Variants in GRIN2A observed in about 807,000 individuals in gnomAD.
The protein encoded by GRIN2A is glutamate receptor ionotropic, NMDA 2A.
GRIN2A carries 22 observed loss-of-function variants against 113.4 expected under a neutral mutation model. That is an observed-to-expected ratio of 0.19 (90% CI 0.14 to 0.28). GRIN2A has a LOEUF of 0.28. GRIN2A is among the 10% of genes least tolerant of loss of function. The pLI, the probability that GRIN2A is intolerant of heterozygous loss-of-function variation, is 1.00. For missense variants in GRIN2A, 1,502 were observed against 1,887.0 expected, an observed-to-expected ratio of 0.80 and a Z score of 3.78; for synonymous variants, 827 against 738.4, an observed-to-expected ratio of 1.12 and a Z score of -1.94.
chr16:9,847,862 CA>C (rs1402136997), intron 5 of GRIN2A, among the ~76,000 whole-genome samples: 7 of 147,726 alleles, frequency 4.7e-5, no homozygotes, highest in Non-Finnish European at 1.0e-4. Context: ...AAGAGGCTGA[CA>C]TTTGTGACCT....
chr16:9,966,651 G>T (rs975767649), intron 2 of GRIN2A, among the ~76,000 whole-genome samples: 1 of 152,184 alleles, frequency 6.6e-6, no homozygotes, highest in South Asian at 2.1e-4. Flanking sequence ...AAACGGGATT[G>T]CTGGGTTGAA....
chr16:9,777,077 T>C (rs1901647391), intron 11 of GRIN2A, among the ~76,000 whole-genome samples: 1 of 152,146 alleles, frequency 6.6e-6, no homozygotes, highest in African/African-American at 2.4e-5. Flanking sequence ...AGCTTTGACC[T>C]TGAGGGCCCA....
intron 4 of GRIN2A, among the ~76,000 whole-genome samples, chr16:9,856,624 C>CA (rs1178111932): frequency 0.038 from 2,029 of 53,970 alleles, 77 homozygotes; most frequent in African/African-American, 0.097. Flanking sequence ...GACTCCATCT[C>CA]AAAAAAAAAA....
chr16:10,062,433 C>A (rs1363824480), intron 2 of GRIN2A, among the ~76,000 whole-genome samples: 2 of 152,228 alleles, frequency 1.3e-5, no homozygotes, highest in African/African-American at 2.4e-5. Flanking sequence ...GCATCCAGAC[C>A]TTTCTAGAAA....
At chr16:10,069,617 T>C (rs1243946014) in intron 2 of GRIN2A, among the ~76,000 whole-genome samples, 2 of 152,216 alleles carry the variant, frequency 1.3e-5, no homozygotes, top group Admixed American at 6.5e-5. Context: ...GGGACAGATA[T>C]AGTAGCAGGT....
At chr16:10,116,235 CA>C (rs1202977859) in intron 2 of GRIN2A, among the ~76,000 whole-genome samples, 1 of 152,148 alleles carries the variant, frequency 6.6e-6, no homozygotes, top group African/African-American at 2.4e-5. Flanking sequence ...AACCAAAAAC[CA>C]CATGTTCTCA....
chr16:10,099,800 T>G (rs2048358788), intron 2 of GRIN2A, among the ~76,000 whole-genome samples: 1 of 152,182 alleles, frequency 6.6e-6, no homozygotes, highest in African/African-American at 2.4e-5. Flanking sequence ...GGTATTGAAG[T>G]CAGAATGTTT....
chr16:9,963,607 G>A (rs1216942974), intron 2 of GRIN2A, among the ~76,000 whole-genome samples: 1 of 152,110 alleles, frequency 6.6e-6, no homozygotes, highest in East Asian at 1.9e-4. Flanking sequence ...AAAATTCATT[G>A]AGCTTTACAC....
At chr16:10,113,296 G>A (rs539352812) in intron 2 of GRIN2A, among the ~76,000 whole-genome samples, 326 of 152,180 alleles carry the variant, frequency 2.1e-3, no homozygotes, top group African/African-American at 5.7e-3. Context: ...TTCCCGGGCC[G>A]CTGCCCCCTC....
chr16:9,978,671 A>T (rs1159161371), intron 2 of GRIN2A, among the ~76,000 whole-genome samples: 1 of 152,168 alleles, frequency 6.6e-6, no homozygotes, highest in African/African-American at 2.4e-5. Flanking sequence ...TGCCAGTAGG[A>T]AAATTCCTCC....
intron 2 of GRIN2A, among the ~76,000 whole-genome samples, chr16:10,106,772 A>G (rs919036669): frequency 6.6e-6 from 1 of 152,228 alleles, no homozygotes; most frequent in Non-Finnish European, 1.5e-5. Context: ...AGGAATTCAA[A>G]ATACTCTTAT....
chr16:9,855,275 A>G (rs368991712), intron 4 of GRIN2A, among the ~76,000 whole-genome samples: 1 of 152,218 alleles, frequency 6.6e-6, no homozygotes, highest in African/African-American at 2.4e-5. Context: ...ACCAAATAAA[A>G]ACAACACTTC....
At chr16:9,953,341 G>A (rs1050543718) in intron 2 of GRIN2A, among the ~76,000 whole-genome samples, 2 of 152,166 alleles carry the variant, frequency 1.3e-5, no homozygotes, top group African/African-American at 4.8e-5. Context: ...CACAATTGTA[G>A]CTCCAGCACC....
chr16:10,031,044 A>T (rs946653867), intron 2 of GRIN2A, among the ~76,000 whole-genome samples: 7 of 152,150 alleles, frequency 4.6e-5, no homozygotes, highest in African/African-American at 1.7e-4. Flanking sequence ...TGAACTCGGG[A>T]AAGTGGTGTG....
intron 4 of GRIN2A, among the ~76,000 whole-genome samples, chr16:9,852,842 G>C (rs1298199577): frequency 6.6e-6 from 1 of 152,186 alleles, no homozygotes; most frequent in African/African-American, 2.4e-5. Context: ...AGGTTTAGCA[G>C]AGTCATTCAT....
intron 3 of GRIN2A, among the ~76,000 whole-genome samples, chr16:9,931,801 A>G (rs768631416): frequency 4.6e-5 from 7 of 152,236 alleles, no homozygotes; most frequent in Non-Finnish European, 8.8e-5. Flanking sequence ...ATGTGTGTAT[A>G]TACATACCCA....
intron 2 of GRIN2A, among the ~76,000 whole-genome samples, chr16:10,049,757 A>G (rs1169052072): frequency 6.6e-6 from 1 of 152,180 alleles, no homozygotes; most frequent in African/African-American, 2.4e-5. Flanking sequence ...AATACATTAT[A>G]TAATGAATTG....
chr16:10,078,178 T>C (rs954527322), intron 2 of GRIN2A, among the ~76,000 whole-genome samples: 4 of 152,188 alleles, frequency 2.6e-5, no homozygotes, highest in Non-Finnish European at 5.9e-5. Context: ...ACAACAACAA[T>C]AATGAAGTGC....
intron 2 of GRIN2A, among the ~76,000 whole-genome samples, chr16:10,040,179 C>T (rs940234570): frequency 9.0e-5 from 8 of 88,408 alleles, no homozygotes; most frequent in South Asian, 8.6e-4. Context: ...CACATGCATA[C>T]GCCCACAAAT....
Sources: allele counts gnomAD v4.1 joint callset (sites outside exome capture counted in the v4.1 genomes callset), GRCh38; gene constraint gnomAD v4.1.1; transcripts MANE v1.5; gene names NCBI Gene and HGNC (gene_info 2026-07-23, HGNC 2026-07-21).